TSPAN9: variants seen among roughly 807,000 people sequenced by gnomAD.
TSPAN9 encodes the protein tetraspanin-9.
TSPAN9 carries 16 observed loss-of-function variants against 31.0 expected under a neutral mutation model. That is an observed-to-expected ratio of 0.52 (90% CI 0.35 to 0.78). The LOEUF (loss-of-function observed/expected upper bound fraction) is 0.78, where lower values mean the gene tolerates loss of function less well. Among genes scored for constraint, TSPAN9 ranks in the 30% least tolerant of loss-of-function variants. The probability of loss-of-function intolerance (pLI) is 0.01; values close to 1 mark genes in which losing one functional copy is unlikely to be tolerated. For missense variants in TSPAN9, 272 were observed against 312.5 expected, an observed-to-expected ratio of 0.87 and a Z score of 0.98; for synonymous variants, 145 against 121.6, an observed-to-expected ratio of 1.19 and a Z score of -1.27.
At chr12:3,105,904 A>G (rs116491537) in intron 2 of TSPAN9, among the ~76,000 whole-genome samples, 2,321 of 151,566 alleles carry the variant, frequency 0.015, 58 homozygotes, top group African/African-American at 0.053. Context: ...ACGGGCACTC[A>G]TGTTCTCAGG....
At chr12:3,264,984 C>G (rs577535741) in intron 3 of TSPAN9, among the ~76,000 whole-genome samples, 2 of 152,162 alleles carry the variant, frequency 1.3e-5, no homozygotes, top group Admixed American at 1.3e-4. Context: ...TGGCCATTGT[C>G]CTATCTCACA....
At chr12:3,265,397 T>C (rs573440095) in intron 3 of TSPAN9, among the ~76,000 whole-genome samples, 3 of 152,324 alleles carry the variant, frequency 2.0e-5, no homozygotes, top group African/African-American at 7.2e-5. Context: ...ACACGGTACA[T>C]GAAAGCGCCC....
rs181786718 is a variant in TSPAN9 at position 3,135,167 on chromosome 12, C to T, written c.-18+51448C>T. Among the ~76,000 whole-genome samples the T allele has an allele frequency of 1.5e-3, 234 of 152,216 alleles. 2 individuals carry two copies. In the South Asian group the frequency reaches 0.024, roughly 16 times the overall value. ...TCACGATCGGAGCTCACTGCAGCCT[C>T]GAACCTCCTGTGCTCAAGCAATCCT... is the stretch of plus-strand genomic sequence containing the variant. On this transcript the variant is annotated intron_variant, in intron 2 of 8. Coordinates refer to ENST00000011898, the MANE Select transcript of TSPAN9 (RefSeq NM_006675.5).
chr12:3,278,798 T>A (rs1007938771), intron 4 of TSPAN9, among the ~76,000 whole-genome samples, 186 bp downstream of exon 4: 2 of 152,222 alleles, frequency 1.3e-5, no homozygotes, highest in African/African-American at 4.8e-5. Context: ...CTACCCCTGG[T>A]TGTCCCTCCC....
At chr12:3,205,837 C>T (rs952526987) in intron 3 of TSPAN9, among the ~76,000 whole-genome samples, 12 of 151,946 alleles carry the variant, frequency 7.9e-5, no homozygotes, top group East Asian at 1.9e-4. Flanking sequence ...GGGACAGGTG[C>T]GGGGCCTGGC....
At chr12:3,122,207 G>T (rs111466619) in intron 2 of TSPAN9, among the ~76,000 whole-genome samples, 20,385 of 151,714 alleles carry the variant, frequency 0.13, 1,726 homozygotes, top group Middle Eastern at 0.22. Context: ...GGTGGTGGGT[G>T]CCTGTAGTCC....
chr12:3,256,834 G>A (rs1485041730), intron 3 of TSPAN9, among the ~76,000 whole-genome samples: 2 of 152,162 alleles, frequency 1.3e-5, no homozygotes, highest in Non-Finnish European at 2.9e-5. Flanking sequence ...AATACACGGC[G>A]ACTCTCCCAT....
chr12:3,204,599 A>T (rs1400855101), intron 3 of TSPAN9, among the ~76,000 whole-genome samples: 1 of 152,282 alleles, frequency 6.6e-6, no homozygotes, highest in East Asian at 1.9e-4. Flanking sequence ...CACTGTGGGA[A>T]TCTGGGGCCT....
intron 2 of TSPAN9, among the ~76,000 whole-genome samples, chr12:3,105,923 G>A (rs2098314406): frequency 6.6e-6 from 1 of 151,726 alleles, no homozygotes; most frequent in Non-Finnish European, 1.5e-5. Flanking sequence ...GGTGTGCTTG[G>A]TCCCATCCAC....
intron 3 of TSPAN9, among the ~76,000 whole-genome samples, chr12:3,268,990 G>C (rs372082522): frequency 0.02 from 693 of 34,046 alleles, no homozygotes; most frequent in East Asian, 0.048. Context: ...CCTGCCCTCC[G>C]TGCGTTCCTG....
chr12:3,207,984 C>T (rs1392440483), intron 3 of TSPAN9, among the ~76,000 whole-genome samples: 1 of 152,248 alleles, frequency 6.6e-6, no homozygotes, highest in Admixed American at 6.5e-5. Context: ...TATCTGGTTT[C>T]CTCACCTTGG....
intron 3 of TSPAN9, among the ~76,000 whole-genome samples, chr12:3,221,099 G>A (rs1323241688): frequency 1.3e-5 from 2 of 152,070 alleles, no homozygotes; most frequent in Non-Finnish European, 2.9e-5. Flanking sequence ...AGACTGGGTC[G>A]CCACCCTCAG....
chr12:3,158,945 C>T (rs147128507), intron 2 of TSPAN9, among the ~76,000 whole-genome samples: 6 of 151,728 alleles, frequency 4.0e-5, no homozygotes, highest in African/African-American at 7.3e-5. Context: ...CTCCTTTGCC[C>T]GGCACGTCAC....
intron 2 of TSPAN9, among the ~76,000 whole-genome samples, chr12:3,197,462 T>C (rs1352948071): frequency 6.6e-6 from 1 of 152,222 alleles, no homozygotes; most frequent in Non-Finnish European, 1.5e-5. Flanking sequence ...TGCTGGTGGC[T>C]GTAATACACA....
chr12:3,129,005 T>C (rs1189210155), intron 2 of TSPAN9, among the ~76,000 whole-genome samples: 6 of 152,330 alleles, frequency 3.9e-5, no homozygotes, highest in African/African-American at 1.4e-4. Context: ...CTCATGTAAG[T>C]GGAATCATGC....
intron 3 of TSPAN9, among the ~76,000 whole-genome samples, chr12:3,256,356 A>G (rs1263877619): frequency 6.6e-6 from 1 of 152,216 alleles, no homozygotes; most frequent in Non-Finnish European, 1.5e-5. Flanking sequence ...ACTTAGGACC[A>G]GGGAAGGCAC....
chr12:3,121,622 C>A (rs1050594465), intron 2 of TSPAN9, among the ~76,000 whole-genome samples: 1 of 144,482 alleles, frequency 6.9e-6, no homozygotes, highest in Non-Finnish European at 1.5e-5. Flanking sequence ...AAGTGATCCT[C>A]CTGCCTTGGC....
At chr12:3,277,266 C>T (rs977342083) in intron 3 of TSPAN9, among the ~76,000 whole-genome samples, 2 of 152,258 alleles carry the variant, frequency 1.3e-5, no homozygotes, top group African/African-American at 4.8e-5. Flanking sequence ...CCTGCACTTT[C>T]ACCCGGCATA....
chr12:3,081,570 C>A (rs1471185959), intron 1 of TSPAN9, among the ~76,000 whole-genome samples: 1 of 152,012 alleles, frequency 6.6e-6, no homozygotes, highest in Non-Finnish European at 1.5e-5. Flanking sequence ...TCCTGGGAAC[C>A]CCGGTGGCAT....
Sources: allele counts gnomAD v4.1 joint callset (sites outside exome capture counted in the v4.1 genomes callset), GRCh38; gene constraint gnomAD v4.1.1; transcripts MANE v1.5; gene names NCBI Gene and HGNC (gene_info 2026-07-23, HGNC 2026-07-21).